Variants in MYO5B observed in about 807,000 individuals in gnomAD.
MYO5B encodes the protein myosin VB, also known as unconventional myosin-Vb.
Under a neutral mutation model 229.3 loss-of-function variants are expected in MYO5B, and 143 were observed. The observed-to-expected ratio is 0.62, with a 90% CI of 0.54 to 0.72. MYO5B has a LOEUF of 0.72. Ranked by LOEUF, MYO5B falls within the 30% of genes least tolerant of loss-of-function variation. The pLI, the probability that MYO5B is intolerant of heterozygous loss-of-function variation, is 0.00. For synonymous variants in MYO5B, 918 were observed against 885.2 expected (o/e 1.04, Z -0.66); for missense variants, 2,321 against 2,331.0 (o/e 1.00, Z 0.09).
At chr18:49,997,096 T>C (rs1308365585) in intron 5 of MYO5B, among the ~76,000 whole-genome samples, 2 of 151,852 alleles carry the variant, frequency 1.3e-5, no homozygotes, top group Non-Finnish European at 2.9e-5. Flanking sequence ...CAAGACCCTG[T>C]CTCTACTGAA....
rs574287791 is a variant in MYO5B, at chr18:49,954,475, G to C, written c.1546-40C>G. On this transcript the variant is annotated intron_variant, in intron 12 of 39. Transcript: ENST00000285039. ...GATAGGGCAGAGCGCTTTGTGAAGAGGAAGAAGGAAGCCCTGGGTTGCAGC... is the reference window on the plus strand; with the variant it reads ...GATAGGGCAGAGCGCTTTGTGAAGACGAAGAAGGAAGCCCTGGGTTGCAGC... The C allele has an allele frequency of 3.1e-6, 5 of 1,613,146 alleles. No individual in the cohort carries two copies. The South Asian group carries it at 5.5e-5, about 18-fold the overall frequency.
chr18:49,931,448 T>C (rs2025190601), intron 16 of MYO5B, among the ~76,000 whole-genome samples: 1 of 152,216 alleles, frequency 6.6e-6, no homozygotes, highest in Non-Finnish European at 1.5e-5. Context: ...GCACTGAGCA[T>C]GTGAGGCACA....
At chr18:50,184,327 C>A (rs12454494) in intron 1 of MYO5B, among the ~76,000 whole-genome samples, 60,587 of 151,878 alleles carry the variant, frequency 0.4, 12,957 homozygotes, top group East Asian at 0.55. Context: ...TGGACTCGAT[C>A]CTTCTCTGAT....
intron 33 of MYO5B, among the ~76,000 whole-genome samples, chr18:49,844,842 G>C (rs1281327800): frequency 6.6e-6 from 1 of 152,240 alleles, no homozygotes; most frequent in Non-Finnish European, 1.5e-5. Context: ...AAGCTTGTTT[G>C]GGTGCCCCAG....
At chr18:50,133,687 G>A (rs918900000) in intron 1 of MYO5B, among the ~76,000 whole-genome samples, 2 of 152,140 alleles carry the variant, frequency 1.3e-5, no homozygotes, top group African/African-American at 4.8e-5. Context: ...GGCTTATACA[G>A]CAGTGGCTGT....
chr18:50,128,186 ACAC>A (rs1392910451), intron 1 of MYO5B, among the ~76,000 whole-genome samples: 1 of 152,202 alleles, frequency 6.6e-6, no homozygotes, highest in Non-Finnish European at 1.5e-5. Flanking sequence ...GAATCCTAAT[ACAC>A]TACTATTGGT....
intron 14 of MYO5B, among the ~76,000 whole-genome samples, chr18:49,947,065 A>G (rs1371476811): frequency 1.3e-5 from 2 of 150,730 alleles, no homozygotes; most frequent in African/African-American, 4.9e-5. Context: ...AACTATACAC[A>G]AGCCCAGAGT....
chr18:50,069,884 T>A (rs2030911639), intron 1 of MYO5B, among the ~76,000 whole-genome samples: 1 of 152,142 alleles, frequency 6.6e-6, no homozygotes, highest in Admixed American at 6.6e-5. Context: ...TGTTTGTTCA[T>A]CCCTATTTAT....
chr18:50,046,731 C>T (rs1429449550), intron 2 of MYO5B, among the ~76,000 whole-genome samples: 2 of 152,048 alleles, frequency 1.3e-5, no homozygotes, highest in Admixed American at 6.6e-5. Context: ...CACAAAAAAA[C>T]ACAAACAAGA....
chr18:49,864,073 A>T (rs2024364452), intron 28 of MYO5B, 68 bp downstream of exon 28: 14 of 1,586,482 alleles, frequency 8.8e-6, no homozygotes, highest in East Asian at 4.5e-5. Context: ...AAAGATAATT[A>T]AAAAAACACT....
intron 17 of MYO5B, among the ~76,000 whole-genome samples, chr18:49,916,179 T>A (rs576021774): frequency 1.3e-5 from 2 of 152,382 alleles, no homozygotes; most frequent in South Asian, 4.1e-4. Flanking sequence ...GGGGAAATAA[T>A]TGAAGCATCA....
At chr18:49,970,337 G>A (rs922690173) in intron 10 of MYO5B, among the ~76,000 whole-genome samples, 1 of 152,188 alleles carries the variant, frequency 6.6e-6, no homozygotes, top group African/African-American at 2.4e-5. Context: ...TGGGACAGAG[G>A]AGCAAGATGT....
chr18:50,167,487 G>T lies in MYO5B; in HGVS notation c.27+27280C>A, dbSNP rs1459609704. Reference sequence around the variant, plus strand: ...CAACCTGCCACTTCAATGTAGATAGGATTGATCAACTGTCCCAACCTCTAG... The same window carrying T: ...CAACCTGCCACTTCAATGTAGATAGTATTGATCAACTGTCCCAACCTCTAG... On this transcript the variant is annotated intron_variant, in intron 1 of 39. Transcript: ENST00000285039. Among the ~76,000 whole-genome samples, 5 of 152,268 alleles carry T rather than the reference G, an allele frequency of 3.3e-5. No individual in the cohort carries two copies. The East Asian group carries it at 9.6e-4, about 29-fold the overall frequency.
chr18:50,064,378 TATC>T (rs1485230203), intron 1 of MYO5B: 1 of 152,248 alleles, frequency 6.6e-6, no homozygotes, highest in African/African-American at 2.4e-5. Context: ...AGCTAATGCA[TATC>T]ATGCAGCTAA....
intron 35 of MYO5B, among the ~76,000 whole-genome samples, chr18:49,839,697 G>A (rs1397312611): frequency 2.6e-5 from 4 of 152,172 alleles, no homozygotes; most frequent in Non-Finnish European, 5.9e-5. Context: ...TGTGGCCATG[G>A]GCCAGATTAT....
chr18:49,916,360 C>T lies in MYO5B; in HGVS notation c.2091-4187G>A, dbSNP rs187457443. 7.8e-4 allele frequency among the ~76,000 whole-genome samples: 119 copies of T among 152,284 alleles called. 1 individual carries two copies. The East Asian group carries it at 0.02, about 25-fold the overall frequency. ...ACAGAAGCCTGGCTCTGATGCCGGC[C>T]GGCAGTGCGACTGGGGCCAGTCCCA... On this transcript the variant is annotated intron_variant, in intron 17 of 39. Transcript: ENST00000285039.
Position 49,847,232 on chromosome 18 carries a change from G to C in MYO5B, c.4373C>G (p.Thr1458Arg), listed in dbSNP as rs527698700. ...GAAATCCTTCTCTTTCCGCTGGACC[G>C]TGACCTGCCTGTTGAGCTCATGGCG... Reference protein sequence around the residue: ...RKRHELNRQVTVQRKEKDFQG... With the variant: ...RKRHELNRQVRVQRKEKDFQG... Residue 1458 changes from threonine (T) to arginine (R), a missense_variant, in exon 33 of 40, where the codon ACG (threonine) becomes AGG (arginine). Around this residue, in one of 2 missense-constraint regions of MYO5B, gnomAD observed 2,113 missense variants for 2,044.7 expected, o/e 1.03. Transcript: ENST00000285039. The C allele has an allele frequency of 6.2e-7, 1 of 1,613,962 alleles. No individual in the cohort carries two copies.
intron 1 of MYO5B, among the ~76,000 whole-genome samples, chr18:50,119,560 G>C (rs186168825): frequency 6.6e-6 from 1 of 152,290 alleles, no homozygotes; most frequent in South Asian, 2.1e-4. Context: ...TCCTCATCCT[G>C]AAGATGAGAA....
At chr18:49,990,316 G>T (rs1013646305) in intron 7 of MYO5B, 123 bp downstream of exon 7, 1 of 790,430 alleles carries the variant, frequency 1.3e-6, no homozygotes, top group Non-Finnish European at 2.2e-6. Context: ...AGGGGTTATG[G>T]CCACATAAGA....
Sources: gnomAD v4.1 joint callset for allele counts (sites outside exome capture counted in the v4.1 genomes callset) on GRCh38, gnomAD v4.1.1 for gene constraint, gnomAD v4.1.1 regional missense constraint, MANE v1.5 for transcripts, NCBI Gene and HGNC (gene_info 2026-07-23, HGNC 2026-07-21) for gene names.